ANKDD1B: variants seen among roughly 807,000 people sequenced by gnomAD.
ANKDD1B encodes the protein ankyrin repeat and death domain containing 1B, also known as ankyrin repeat and death domain-containing protein 1B.
ANKDD1B carries 57 observed loss-of-function variants against 59.7 expected under a neutral mutation model. The ratio of observed to expected loss-of-function variants is 0.95; its 90% CI spans 0.77 to 1.19. ANKDD1B has a LOEUF of 1.19. Ranked by LOEUF, ANKDD1B falls within the 50% of genes most tolerant of loss-of-function variation. The pLI is 0.00. For missense variants in ANKDD1B, 602 were observed against 641.9 expected, an observed-to-expected ratio of 0.94 and a Z score of 0.67; for synonymous variants, 216 against 239.5, an observed-to-expected ratio of 0.90 and a Z score of 0.91.
At chr5:75,670,445 A>G (rs1226766673) in intron 13 of ANKDD1B, among the ~76,000 whole-genome samples, 2 of 152,350 alleles carry the variant, frequency 1.3e-5, no homozygotes, top group Non-Finnish European at 1.5e-5. Flanking sequence ...CCAAAGATTC[A>G]TTCCATGAAT....
At chr5:75,651,993 A>G (rs563980895) in intron 7 of ANKDD1B, among the ~76,000 whole-genome samples, 1 of 152,304 alleles carries the variant, frequency 6.6e-6, no homozygotes, top group African/African-American at 2.4e-5. Context: ...TCTCATTCAT[A>G]AGGGTTCCAC....
rs76043444 is a variant in ANKDD1B at position 75,615,956 on chromosome 5, C to T, written c.194-848C>T. Among the ~76,000 whole-genome samples the T allele has an allele frequency of 2.8e-3, 422 of 152,152 alleles. 6 individuals carry two copies. Among genetic ancestry groups the T allele is most frequent in the East Asian group, 0.022 (114 of 5,180 alleles). ...GCAGTATCCTGAAAGGTCTTTGCTT[C>T]GGCAAAAACTTGGGGAACATTGAAT... On this transcript the variant is annotated intron_variant, in intron 1 of 13. Coordinates refer to ENST00000601380, the MANE Select transcript of ANKDD1B (RefSeq NM_001276713.2).
Position 75,611,547 on chromosome 5 carries a change from C to CCTGGGT in ANKDD1B, c.-83_-78dup. 1 of 1,111,816 alleles carries CCTGGGT rather than the reference C, an allele frequency of 9.0e-7. No homozygotes were observed. The allele number at this position is 1,111,816 out of a possible 1,614,324, so 68.9% of individuals were successfully genotyped here. A position where few individuals can be genotyped will look rare whatever the true frequency, so the allele number is the denominator to read the frequency against. ...GTCCAGCCCCCGCGCCCTGGGCCTG[C>CCTGGGT]CTGGGTCTGGATCTGTGTCCGAGTC... On this transcript the variant is annotated 5_prime_UTR_variant, in exon 1 of 14. Coordinates refer to ENST00000601380, the MANE Select transcript of ANKDD1B (RefSeq NM_001276713.2).
At chr5:75,634,865 A>G in intron 5 of ANKDD1B, 33 bp from the exon 6 acceptor site, 3 of 1,353,014 alleles carry the variant, frequency 2.2e-6, no homozygotes, top group Non-Finnish European at 3.1e-6. Flanking sequence ...CTAAGACTGT[A>G]ATAAATGCTT....
intron 3 of ANKDD1B, among the ~76,000 whole-genome samples, chr5:75,623,752 C>T (rs890163736): frequency 6.6e-6 from 1 of 152,108 alleles, no homozygotes; most frequent in Non-Finnish European, 1.5e-5. Context: ...CCACTAGGTG[C>T]CAATATTAAC....
chr5:75,619,058 T>C (rs918112264), intron 2 of ANKDD1B, among the ~76,000 whole-genome samples: 1 of 152,236 alleles, frequency 6.6e-6, no homozygotes, highest in Non-Finnish European at 1.5e-5. Context: ...AACTCATGTT[T>C]TGTTGAACTT....
At position 75,656,132 on chromosome 5, in the gene ANKDD1B, GC is replaced by G; in HGVS notation, c.996+7del. The G allele has an allele frequency of 6.9e-7, 1 of 1,447,916 alleles. No individual in the cohort carries two copies. Among genetic ancestry groups the G allele is most frequent in the Non-Finnish European group, 9.3e-7 (1 of 1,071,786 alleles). 89.7% of individuals were successfully genotyped at this position (1,447,916 alleles called of 1,614,324 possible). A position where few individuals can be genotyped will look rare whatever the true frequency, so the allele number is the denominator to read the frequency against. On this transcript the variant is annotated splice_donor_region_variant and intron_variant, in intron 9 of 13. Coordinates refer to ENST00000601380, the MANE Select transcript of ANKDD1B (RefSeq NM_001276713.2). The stretch of plus-strand genomic sequence containing the variant: ...GATATTGACATCTTAAATCAGGTAA[GC>G]CAGGCAAATCAGAGCCTGGAGGGTC...
intron 5 of ANKDD1B, 39 bp downstream of exon 5, chr5:75,625,994 C>A: frequency 7.2e-7 from 1 of 1,393,488 alleles, no homozygotes; most frequent in Non-Finnish European, 9.8e-7. Context: ...GCATACACCC[C>A]TATCAAATTT....
intron 3 of ANKDD1B, among the ~76,000 whole-genome samples, chr5:75,624,889 T>C (rs1439668407): frequency 1.3e-5 from 2 of 152,144 alleles, no homozygotes; most frequent in Non-Finnish European, 2.9e-5. Context: ...TTATTTTCCA[T>C]ATTTAGCAAA....
chr5:75,653,368 G>T (rs1326557701), intron 8 of ANKDD1B, 128 bp downstream of exon 8: 2 of 629,582 alleles, frequency 3.2e-6, no homozygotes, highest in African/African-American at 1.8e-5. Context: ...TTCTGGGAAG[G>T]CTGGCTGACT....
intron 7 of ANKDD1B, among the ~76,000 whole-genome samples, chr5:75,648,284 G>C (rs1203517908): frequency 1.9e-5 from 1 of 53,868 alleles, no homozygotes; most frequent in East Asian, 6.5e-4. Context: ...AAAAAAAAAA[G>C]AATTCATGGG....
In ANKDD1B at chr5:75,639,288, C is replaced by G. The variant is rs1402336458; in HGVS notation, c.798+3406C>G. 2.7e-5 allele frequency among the ~76,000 whole-genome samples: 4 copies of G among 150,264 alleles called. No homozygotes were observed. The East Asian group carries it at 7.8e-4, about 29-fold the overall frequency. On this transcript the variant is annotated intron_variant, in intron 7 of 13. Coordinates refer to ENST00000601380, the MANE Select transcript of ANKDD1B (RefSeq NM_001276713.2). ...CTCGGCTCACTGCAAACTCTGCCTC[C>G]CAGGTTCAAGTGACTTTCCTGCCTC... is the stretch of plus-strand genomic sequence containing the variant.
Position 75,623,164 on chromosome 5 carries a change from C to T in ANKDD1B, c.397-2483C>T, listed in dbSNP as rs540982870. On this transcript the variant is annotated intron_variant, in intron 3 of 13. Transcript: ENST00000601380. ...CGCAATCTTGGCTTGCCGCAACCTC[C>T]TCTTCCCAGGTTCAAGCGATCCTTC... Among the ~76,000 whole-genome samples the T allele has an allele frequency of 4.4e-4, 67 of 152,258 alleles. No homozygotes were observed. The South Asian group carries it at 6.8e-3, about 16-fold the overall frequency.
Position 75,611,492 on chromosome 5 carries a change from C to T in ANKDD1B, c.-143C>T, listed in dbSNP as rs370100494. 1 of 550,870 alleles carries T rather than the reference C, an allele frequency of 1.8e-6. No homozygotes were observed. The allele number at this position is 550,870 out of a possible 1,614,324, so 34.1% of individuals were successfully genotyped here. A position where few individuals can be genotyped will look rare whatever the true frequency, so the allele number is the denominator to read the frequency against. ...CGCCACAACAGAGAGCGGACTCGAT[C>T]CTGCGCTCCGGCCGGGCTGACCTGC... On this transcript the variant is annotated 5_prime_UTR_variant, in exon 1 of 14. Transcript: ENST00000601380.
chr5:75,617,288 T>C (rs1773739309), intron 2 of ANKDD1B, among the ~76,000 whole-genome samples: 1 of 152,196 alleles, frequency 6.6e-6, no homozygotes, highest in African/African-American at 2.4e-5. Flanking sequence ...TCTGGGTTGT[T>C]TTCTTGCCAA....
intron 10 of ANKDD1B, among the ~76,000 whole-genome samples, chr5:75,661,226 GTC>G (rs1261824490): frequency 4.6e-5 from 7 of 151,368 alleles, no homozygotes; most frequent in African/African-American, 1.5e-4. Context: ...GTGAAACCCT[GTC>G]TCTACTAAAA....
At chr5:75,623,677 T>C (rs554770795) in intron 3 of ANKDD1B, among the ~76,000 whole-genome samples, 1 of 152,144 alleles carries the variant, frequency 6.6e-6, no homozygotes, top group Non-Finnish European at 1.5e-5. Flanking sequence ...TTGGGCCTGA[T>C]AATTCTTTGT....
At chr5:75,649,945 A>C (rs1470462583) in intron 7 of ANKDD1B, among the ~76,000 whole-genome samples, 1 of 152,226 alleles carries the variant, frequency 6.6e-6, no homozygotes, top group African/African-American at 2.4e-5. Context: ...ATATCCCTCC[A>C]CTATCTAAAA....
rs910519911 is a variant in ANKDD1B at position 75,671,189 on chromosome 5, G to C, written c.*149G>C. The C allele has an allele frequency of 2.8e-5, 11 of 396,774 alleles. No homozygotes were observed. In the Admixed American group the frequency reaches 3.1e-4, roughly 11 times the overall value. 24.6% of individuals were successfully genotyped at this position (396,774 alleles called of 1,614,324 possible). A position where few individuals can be genotyped will look rare whatever the true frequency, so the allele number is the denominator to read the frequency against. ...ACAGATGAAAGAAGAGTAATACCAT[G>C]ATACTTTTCAACCACTAAAAAGTCA... On this transcript the variant is annotated 3_prime_UTR_variant, in exon 14 of 14. Coordinates refer to ENST00000601380, the MANE Select transcript of ANKDD1B (RefSeq NM_001276713.2).
Sources: allele counts gnomAD v4.1 joint callset (sites outside exome capture counted in the v4.1 genomes callset), GRCh38; gene constraint gnomAD v4.1.1; transcripts MANE v1.5; gene names NCBI Gene and HGNC (gene_info 2026-07-23, HGNC 2026-07-21).